NTRK3: variants seen among roughly 807,000 people sequenced by gnomAD.
The protein encoded by NTRK3 is neurotrophic receptor tyrosine kinase 3.
A neutral mutation model predicts 91.7 loss-of-function variants in NTRK3; 24 were observed. The observed-to-expected ratio is 0.26, with a 90% CI of 0.19 to 0.37. NTRK3 has a LOEUF of 0.37. NTRK3 is among the 10% of genes least tolerant of loss of function. NTRK3 has a pLI of 1.00. For missense variants in NTRK3, 880 were observed against 1,068.9 expected, an observed-to-expected ratio of 0.82 and a Z score of 2.46; for synonymous variants, 483 against 404.0, an observed-to-expected ratio of 1.20 and a Z score of -2.34.
intron 3 of NTRK3, among the ~76,000 whole-genome samples, chr15:88,188,170 C>A (rs139760794): frequency 1.3e-5 from 2 of 152,318 alleles, no homozygotes; most frequent in African/African-American, 4.8e-5. Context: ...CAGGAACCTG[C>A]AGCTCTGCTC....
intron 10 of NTRK3, among the ~76,000 whole-genome samples, chr15:88,130,826 G>A (rs1252625429): frequency 6.6e-6 from 1 of 152,122 alleles, no homozygotes; most frequent in Admixed American, 6.5e-5. Context: ...TCCTAGACAA[G>A]GAAAAAGCAT....
chr15:88,007,092 C>A (rs960340351), intron 14 of NTRK3, among the ~76,000 whole-genome samples: 6 of 152,122 alleles, frequency 3.9e-5, no homozygotes, highest in African/African-American at 1.4e-4. Context: ...GACATGACCC[C>A]CGGCCTCCAA....
At chr15:88,239,314 C>T (rs1362068179) in intron 3 of NTRK3, among the ~76,000 whole-genome samples, 1 of 152,056 alleles carries the variant, frequency 6.6e-6, no homozygotes, top group African/African-American at 2.4e-5. Flanking sequence ...TGGGGAATAA[C>T]GAGAGGCAGG....
intron 14 of NTRK3, among the ~76,000 whole-genome samples, chr15:88,017,076 A>T (rs995162327): frequency 5.3e-5 from 8 of 151,622 alleles, no homozygotes; most frequent in African/African-American, 1.9e-4. Flanking sequence ...TTTCTTTCTG[A>T]TCTACCTTGC....
At chr15:88,127,797 T>TA (rs1423404447) in intron 11 of NTRK3, among the ~76,000 whole-genome samples, 3 of 152,114 alleles carry the variant, frequency 2.0e-5, no homozygotes, top group Non-Finnish European at 2.9e-5. Context: ...CAGCTTAAGT[T>TA]AAAAAAATAG....
intron 9 of NTRK3, among the ~76,000 whole-genome samples, chr15:88,135,609 C>CT (rs1256921244): frequency 6.6e-6 from 1 of 152,216 alleles, no homozygotes; most frequent in Non-Finnish European, 1.5e-5. Flanking sequence ...AGGGCTCCCT[C>CT]TTGGGACCTC....
rs369700299 is a variant in NTRK3 at position 87,910,839 on chromosome 15, A to C, written c.2133+18352T>G. Among the ~76,000 whole-genome samples, 11 of 152,180 alleles carry C rather than the reference A, an allele frequency of 7.2e-5. 1 individual carries two copies. The highest frequency in any genetic ancestry group is 2.7e-4 in the African/African-American group (11 of 41,440). The stretch of plus-strand genomic sequence containing the variant: ...GCAGGGGAAAGGGTAAATTATTAAT[A>C]ATGTCATTCAACAATAGTTCAGGAA... On this transcript the variant is annotated intron_variant, in intron 17 of 18. Transcript: ENST00000394480.
exon 17 of NTRK3, chr15:87,929,275 C>G (rs267604362): frequency 6.2e-7 from 1 of 1,614,110 alleles, no homozygotes; most frequent in Non-Finnish European, 8.5e-7. Flanking sequence ...CCAGGCAGTT[C>G]CTGGTGGCCA....
intron 14 of NTRK3, among the ~76,000 whole-genome samples, chr15:88,013,016 G>A (rs960185913): frequency 3.3e-5 from 5 of 151,440 alleles, no homozygotes; most frequent in East Asian, 2.0e-4. Flanking sequence ...AGCTGAAACC[G>A]TGCACTGGTA....
intron 14 of NTRK3, among the ~76,000 whole-genome samples, chr15:87,993,759 C>A (rs1053434488): frequency 6.6e-6 from 1 of 152,146 alleles, no homozygotes; most frequent in African/African-American, 2.4e-5. Context: ...CTCCAAATAA[C>A]CAACACACAT....
chr15:87,922,807 T>C lies in NTRK3; in HGVS notation c.2133+6384A>G, dbSNP rs570318755. 2.0e-5 allele frequency among the ~76,000 whole-genome samples: 3 copies of C among 152,338 alleles called. No individual in the cohort carries two copies. The East Asian group carries it at 5.8e-4, about 29-fold the overall frequency. ...TCTAATTTGTATTTCTTCCCTGTTT[T>C]TCTTCTAGATGTGTTTTCTTATCTA... is the stretch of plus-strand genomic sequence containing the variant. On this transcript the variant is annotated intron_variant, in intron 17 of 18. Coordinates refer to ENST00000394480, the Ensembl canonical transcript of NTRK3.
chr15:87,925,162 T>A (rs2141871433), intron 17 of NTRK3, among the ~76,000 whole-genome samples: 1 of 152,292 alleles, frequency 6.6e-6, no homozygotes, highest in Non-Finnish European at 1.5e-5. Flanking sequence ...GGAAAAGGTG[T>A]TTGTCATTGT....
chr15:87,979,073 C>G (rs72481809), intron 14 of NTRK3: 1 of 548,774 alleles, frequency 1.8e-6, no homozygotes, highest in African/African-American at 1.9e-5. Flanking sequence ...TTTTAATTCT[C>G]TTTATTGGCT....
At chr15:88,084,699 C>T (rs1053294227) in intron 13 of NTRK3, among the ~76,000 whole-genome samples, 8 of 152,208 alleles carry the variant, frequency 5.3e-5, no homozygotes, top group Non-Finnish European at 1.2e-4. Flanking sequence ...CAAAGACGTC[C>T]CCCTGCCCTC....
chr15:88,066,919 T>C (rs1398018604), intron 13 of NTRK3, among the ~76,000 whole-genome samples: 1 of 152,166 alleles, frequency 6.6e-6, no homozygotes, highest in Non-Finnish European at 1.5e-5. Flanking sequence ...CTTACTCCTC[T>C]TTCCAAGTAG....
intron 3 of NTRK3, among the ~76,000 whole-genome samples, chr15:88,216,271 A>G (rs942514658): frequency 6.6e-6 from 1 of 152,180 alleles, no homozygotes; most frequent in Non-Finnish European, 1.5e-5. Context: ...GGTCTGCATT[A>G]GGAAGGACTG....
intron 3 of NTRK3, among the ~76,000 whole-genome samples, chr15:88,245,655 A>T (rs2052748099): frequency 6.6e-6 from 1 of 152,158 alleles, no homozygotes; most frequent in African/African-American, 2.4e-5. Context: ...TGTGGGGATG[A>T]GGTTCTGGGG....
chr15:87,965,502 C>T (rs901058174), intron 14 of NTRK3, among the ~76,000 whole-genome samples: 1 of 152,136 alleles, frequency 6.6e-6, no homozygotes, highest in South Asian at 2.1e-4. Flanking sequence ...CGAGATCAGT[C>T]TCTATGGCAA....
intron 3 of NTRK3, among the ~76,000 whole-genome samples, chr15:88,197,389 C>T (rs2141230754): frequency 6.6e-6 from 1 of 152,246 alleles, no homozygotes; most frequent in East Asian, 1.9e-4. Context: ...TCTTTGAGTG[C>T]TAACTTGTTC....
Sources: gnomAD v4.1 joint callset for allele counts (sites outside exome capture counted in the v4.1 genomes callset) on GRCh38, gnomAD v4.1.1 for gene constraint, MANE v1.5 for transcripts, NCBI Gene and HGNC (gene_info 2026-07-23, HGNC 2026-07-21) for gene names.